DGKI: variants seen among roughly 807,000 people sequenced by gnomAD.
DGKI encodes diacylglycerol kinase iota.
Under a neutral mutation model 147.5 loss-of-function variants are expected in DGKI, and 55 were observed. The observed-to-expected ratio is 0.37, with a 90% CI of 0.30 to 0.47. The LOEUF (loss-of-function observed/expected upper bound fraction) is 0.47, where lower values mean the gene tolerates loss of function less well. Among genes scored for constraint, DGKI ranks in the 20% least tolerant of loss-of-function variants. The probability of loss-of-function intolerance (pLI) is 1.00; values close to 1 mark genes in which losing one functional copy is unlikely to be tolerated. For synonymous variants in DGKI, 469 were observed against 477.1 expected, an observed-to-expected ratio of 0.98 and a Z score of 0.22; for missense variants, 1,007 against 1,323.8, an observed-to-expected ratio of 0.76 and a Z score of 3.71.
In DGKI at chr7:137,649,656, T is replaced by C. The variant is rs946172934; in HGVS notation, c.739-4119A>G. 5.9e-5 allele frequency among the ~76,000 whole-genome samples: 9 copies of C among 152,034 alleles called. No homozygotes were observed. In the East Asian group the frequency reaches 1.7e-3, roughly 29 times the overall value. On this transcript the variant is annotated intron_variant, in intron 5 of 32. Coordinates refer to ENST00000614521, the MANE Select transcript of DGKI (RefSeq NM_001321708.2). Reference sequence around the variant, plus strand: ...ACTACAAATTGGGTTCGGTAAATACTGCTCAGGTGATGCGTGCACCAAAAT... The same window carrying C: ...ACTACAAATTGGGTTCGGTAAATACCGCTCAGGTGATGCGTGCACCAAAAT...
chr7:137,678,079 C>A (rs1003339876), intron 3 of DGKI, among the ~76,000 whole-genome samples: 1 of 152,190 alleles, frequency 6.6e-6, no homozygotes, highest in Non-Finnish European at 1.5e-5. Flanking sequence ...TCCTCCAGAA[C>A]TTAGTCTGGA....
At chr7:137,660,114 T>A (rs1354738530) in intron 3 of DGKI, among the ~76,000 whole-genome samples, 2 of 152,226 alleles carry the variant, frequency 1.3e-5, no homozygotes, top group African/African-American at 2.4e-5. Context: ...CCAGTTGAGC[T>A]TACTGCCTTA....
chr7:137,581,272 T>A (rs1274090372), intron 15 of DGKI, among the ~76,000 whole-genome samples: 1 of 152,156 alleles, frequency 6.6e-6, no homozygotes, highest in African/African-American at 2.4e-5. Flanking sequence ...CTCTGTATCA[T>A]CCAGTGGGGA....
intron 1 of DGKI, among the ~76,000 whole-genome samples, chr7:137,773,030 CCT>C (rs1251300547): frequency 6.6e-6 from 1 of 152,170 alleles, no homozygotes; most frequent in Non-Finnish European, 1.5e-5. Flanking sequence ...GAATGCACTC[CCT>C]TTTTTGCTTA....
intron 28 of DGKI, among the ~76,000 whole-genome samples, chr7:137,423,549 A>G (rs573950190): frequency 6.6e-6 from 1 of 152,358 alleles, no homozygotes; most frequent in African/African-American, 2.4e-5. Flanking sequence ...AGTACAGTTA[A>G]GTATGTACTA....
In DGKI at chr7:137,384,229, A is replaced by C. The variant is rs2128889867; in HGVS notation, c.*6991T>G. The C allele has an allele frequency of 6.6e-6, 1 of 152,162 alleles. No homozygotes were observed. The highest frequency in any genetic ancestry group is 2.4e-5 in the African/African-American group (1 of 41,550). 9.4% of individuals were successfully genotyped at this position (152,162 alleles called of 1,614,324 possible). ...TAAGTTAAAGAAGCCATTAACGCTC[A>C]CTGTTAATTTCTTCTCTTGAAATCC... On this transcript the variant is annotated 3_prime_UTR_variant, in exon 33 of 33. Coordinates refer to ENST00000614521, the MANE Select transcript of DGKI (RefSeq NM_001321708.2).
At chr7:137,735,219 T>C (rs1025361398) in intron 1 of DGKI, among the ~76,000 whole-genome samples, 1 of 152,162 alleles carries the variant, frequency 6.6e-6, no homozygotes, top group African/African-American at 2.4e-5. Context: ...ATTTTAGGGC[T>C]TCTACCTATA....
At chr7:137,771,434 G>T (rs1429280587) in intron 1 of DGKI, among the ~76,000 whole-genome samples, 1 of 152,118 alleles carries the variant, frequency 6.6e-6, no homozygotes. Flanking sequence ...ACTAGTTAGT[G>T]GAAACAAGAT....
At chr7:137,729,463 A>G (rs898559545) in intron 1 of DGKI, among the ~76,000 whole-genome samples, 3 of 152,178 alleles carry the variant, frequency 2.0e-5, no homozygotes, top group Admixed American at 6.5e-5. Context: ...AGAGACTCCA[A>G]GGATATTCCT....
intron 1 of DGKI, among the ~76,000 whole-genome samples, chr7:137,788,534 T>C (rs1796743630): frequency 6.6e-6 from 1 of 151,994 alleles, no homozygotes; most frequent in Non-Finnish European, 1.5e-5. Flanking sequence ...TCCATGTGTT[T>C]TCTAAATTCT....
At chr7:137,842,861 A>G (rs1374220132) in intron 1 of DGKI, among the ~76,000 whole-genome samples, 1 of 152,190 alleles carries the variant, frequency 6.6e-6, no homozygotes, top group African/African-American at 2.4e-5. Flanking sequence ...AATAATAATA[A>G]TATGTAATGA....
intron 10 of DGKI, among the ~76,000 whole-genome samples, chr7:137,607,911 T>C (rs1349231030): frequency 6.6e-6 from 1 of 152,222 alleles, no homozygotes; most frequent in Admixed American, 6.5e-5. Context: ...TTCTCCAAAA[T>C]GTTAATACAC....
chr7:137,768,063 C>T (rs2116836686), intron 1 of DGKI, among the ~76,000 whole-genome samples: 1 of 152,180 alleles, frequency 6.6e-6, no homozygotes, highest in African/African-American at 2.4e-5. Context: ...TGAGTCTAAC[C>T]AAGAACTTTG....
At chr7:137,583,794 A>G (rs953081022) in intron 14 of DGKI, among the ~76,000 whole-genome samples, 3 of 152,098 alleles carry the variant, frequency 2.0e-5, no homozygotes, top group Non-Finnish European at 2.9e-5. Context: ...TCCAATTTCT[A>G]TAAGTCAAAC....
intron 31 of DGKI, chr7:137,395,948 TA>T: frequency 2.1e-6 from 1 of 468,154 alleles, no homozygotes; most frequent in Non-Finnish European, 3.9e-6. Context: ...GTAATTTTTT[TA>T]AAAGCTACTA....
At chr7:137,757,903 T>C (rs1387558177) in intron 1 of DGKI, among the ~76,000 whole-genome samples, 1 of 152,212 alleles carries the variant, frequency 6.6e-6, no homozygotes, top group Non-Finnish European at 1.5e-5. Flanking sequence ...TATAGCGAAA[T>C]TGGAGAATCG....
intron 23 of DGKI, among the ~76,000 whole-genome samples, chr7:137,477,865 T>C (rs573311737): frequency 1.5e-4 from 23 of 152,264 alleles, no homozygotes; most frequent in Admixed American, 1.0e-3. Flanking sequence ...TTCACCATGT[T>C]ACCCAGACTG....
chr7:137,543,664 A>G (rs1272555372), intron 20 of DGKI, among the ~76,000 whole-genome samples: 3 of 152,178 alleles, frequency 2.0e-5, no homozygotes, highest in Non-Finnish European at 4.4e-5. Context: ...CTGAGCAGAG[A>G]GTGGCTGATT....
intron 1 of DGKI, among the ~76,000 whole-genome samples, chr7:137,761,085 A>G (rs564988349): frequency 1.3e-5 from 2 of 152,288 alleles, no homozygotes; most frequent in South Asian, 4.2e-4. Flanking sequence ...TTTGATAACC[A>G]GCAACTCACC....
Sources: gnomAD v4.1 joint callset for allele counts (sites outside exome capture counted in the v4.1 genomes callset) on GRCh38, gnomAD v4.1.1 for gene constraint, MANE v1.5 for transcripts, NCBI Gene and HGNC (gene_info 2026-07-23, HGNC 2026-07-21) for gene names.